Variants in IFT43 observed in about 807,000 individuals in gnomAD.
IFT43 encodes intraflagellar transport protein 43 homolog.
Under a neutral mutation model 32.3 loss-of-function variants are expected in IFT43, and 33 were observed. The observed-to-expected ratio is 1.02, with a 90% confidence interval of 0.77 to 1.37. IFT43 has a LOEUF of 1.37. Among genes scored for constraint, IFT43 ranks in the 40% most tolerant of loss-of-function variants. IFT43 has a pLI of 0.00. For synonymous variants in IFT43, 93 were observed against 98.2 expected (o/e 0.95, Z 0.31); for missense variants, 274 against 265.9 (o/e 1.03, Z -0.21).
chr14:75,991,400 T>TATATTAACAAGA (rs372002286), intron 2 of IFT43, among the ~76,000 whole-genome samples: 12 of 140,996 alleles, frequency 8.5e-5, no homozygotes, highest in African/African-American at 2.6e-4. Context: ...TGTGTGTGTG[T>TATATTAACAAGA]GTGTGTGTGT....
intron 3 of IFT43, among the ~76,000 whole-genome samples, chr14:76,034,121 T>C (rs1001825959): frequency 5.9e-5 from 9 of 152,196 alleles, no homozygotes; most frequent in Admixed American, 1.3e-4. Context: ...ACAATGGCAT[T>C]GTGCTAGATA....
intron 2 of IFT43, among the ~76,000 whole-genome samples, chr14:75,996,961 T>A (rs1048953589): frequency 1.3e-5 from 2 of 152,220 alleles, no homozygotes; most frequent in East Asian, 1.9e-4. Flanking sequence ...GAACTTTGAT[T>A]TAGGGGCTTG....
At chr14:76,022,620 A>C in intron 3 of IFT43, 2 of 381,488 alleles carry the variant, frequency 5.2e-6, no homozygotes, top group African/African-American at 2.1e-5. Context: ...TCCCCACCAA[A>C]AGAAACCCTG....
At chr14:76,068,855 G>T (rs1023864884) in intron 5 of IFT43, among the ~76,000 whole-genome samples, 10 of 152,096 alleles carry the variant, frequency 6.6e-5, no homozygotes, top group Admixed American at 6.5e-4. Context: ...GTGATGCATG[G>T]GGCTAAGCAT....
intron 5 of IFT43, among the ~76,000 whole-genome samples, chr14:76,081,657 T>C (rs555877658): frequency 8.5e-4 from 130 of 152,326 alleles, no homozygotes; most frequent in Admixed American, 2.0e-3. Flanking sequence ...TGGAAAATCT[T>C]GAGACAGCAA....
At position 76,049,461 on chromosome 14, in the gene IFT43, T is replaced by G. The variant is rs983433325; in HGVS notation, c.216-9181T>G. On this transcript the variant is annotated intron_variant, in intron 3 of 8. Transcript: ENST00000314067. ...GTAGTTTTTAAAAAGCTGTGTGTTTTTTTTTTTTTTACAATTATTTCCCTA... is the reference window on the plus strand; with the variant it reads ...GTAGTTTTTAAAAAGCTGTGTGTTTGTTTTTTTTTTACAATTATTTCCCTA... 1.7e-3 allele frequency among the ~76,000 whole-genome samples: 250 copies of G among 150,326 alleles called. 2 individuals are homozygous for G. The highest frequency in any genetic ancestry group is 5.5e-3 in the African/African-American group (222 of 40,348).
At chr14:75,999,273 G>A (rs57837727) in intron 2 of IFT43, among the ~76,000 whole-genome samples, 7,251 of 16,768 alleles carry the variant, frequency 0.43, 520 homozygotes, top group Non-Finnish European at 0.48. Flanking sequence ...ATATATATAT[G>A]TATATATATT....
chr14:76,030,143 A>G (rs1488744691), intron 3 of IFT43, among the ~76,000 whole-genome samples: 4 of 152,034 alleles, frequency 2.6e-5, no homozygotes, highest in African/African-American at 9.7e-5. Flanking sequence ...GGCCTCCCCA[A>G]GTGCTGAGAT....
intron 3 of IFT43, among the ~76,000 whole-genome samples, chr14:76,048,292 A>G (rs2036847623): frequency 6.6e-6 from 1 of 152,210 alleles, no homozygotes; most frequent in Non-Finnish European, 1.5e-5. Context: ...AAGCAATCTT[A>G]TTGAACAAAA....
intron 3 of IFT43, among the ~76,000 whole-genome samples, chr14:76,054,239 G>C (rs2036968932): frequency 6.6e-6 from 1 of 152,210 alleles, no homozygotes; most frequent in Admixed American, 6.5e-5. Flanking sequence ...CACTGTTGAA[G>C]AATGACTAAT....
At chr14:76,000,329 A>G (rs2035859872) in intron 2 of IFT43, among the ~76,000 whole-genome samples, 1 of 148,200 alleles carries the variant, frequency 6.7e-6, no homozygotes, top group African/African-American at 2.5e-5. Flanking sequence ...CAGTGGCACA[A>G]TCTCGGCTCA....
chr14:76,019,665 A>C (rs2036254277), intron 2 of IFT43, among the ~76,000 whole-genome samples: 1 of 152,070 alleles, frequency 6.6e-6, no homozygotes, highest in African/African-American at 2.4e-5. Context: ...GGTTTTCAAT[A>C]CCTTTGCCCA....
intron 3 of IFT43, among the ~76,000 whole-genome samples, chr14:76,044,989 T>C (rs2036777918): frequency 1.3e-5 from 2 of 152,370 alleles, no homozygotes; most frequent in East Asian, 3.9e-4. Context: ...TAATTGACTA[T>C]GTTACTAGTG....
rs763232302 is a variant in IFT43 at position 76,083,270 on chromosome 14, C to A, written c.488C>A (p.Pro163Gln). The change falls in exon 8 of 9, where the codon CCG (proline) becomes CAG (glutamine). Residue 163 changes from proline (P) to glutamine (Q), a missense_variant. By Grantham distance (76) the Pro-to-Gln change is moderately conservative (BLOSUM62 -1). Transcript: ENST00000314067. ...AAACTCCTCACCAAAGTGCTCGCGCCGGAGCACGAAGTCCGGGAGGTACAG... is the reference window on the plus strand; with the variant it reads ...AAACTCCTCACCAAAGTGCTCGCGCAGGAGCACGAAGTCCGGGAGGTACAG... Reference protein sequence around the residue: ...DLKLLTKVLAPEHEVREDDVG... With the variant: ...DLKLLTKVLAQEHEVREDDVG... 11 of 1,613,760 alleles carry A rather than the reference C, an allele frequency of 6.8e-6. No homozygotes were observed. The East Asian group carries it at 2.5e-4, about 36-fold the overall frequency.
chr14:76,028,394 A>G (rs1211845137), intron 3 of IFT43, among the ~76,000 whole-genome samples: 3 of 152,162 alleles, frequency 2.0e-5, no homozygotes, highest in African/African-American at 7.2e-5. Context: ...CCTATAAAGA[A>G]GAATTTACTC....
intron 5 of IFT43, among the ~76,000 whole-genome samples, chr14:76,080,807 T>C (rs897759408): frequency 2.6e-5 from 4 of 152,216 alleles, no homozygotes; most frequent in Non-Finnish European, 4.4e-5. Context: ...AAATAGAATC[T>C]TAGAGCATTC....
At chr14:76,071,175 G>A (rs1000743696) in intron 5 of IFT43, among the ~76,000 whole-genome samples, 7 of 152,168 alleles carry the variant, frequency 4.6e-5, no homozygotes, top group African/African-American at 1.7e-4. Context: ...ACTGGTCCAA[G>A]GACTAAGCTG....
intron 3 of IFT43, among the ~76,000 whole-genome samples, chr14:76,037,242 G>A (rs1446307086): frequency 1.3e-5 from 2 of 152,170 alleles, no homozygotes; most frequent in South Asian, 2.1e-4. Context: ...AGGTGATGCC[G>A]TGTACATCCC....
At chr14:76,083,185 C>T (rs1374924684) in intron 7 of IFT43, 42 bp from the exon 8 acceptor site, 3 of 1,613,382 alleles carry the variant, frequency 1.9e-6, no homozygotes, top group Admixed American at 3.3e-5. Flanking sequence ...CCTGAAAGCC[C>T]TCAAGGTGCT....
Sources: allele counts gnomAD v4.1 joint callset (sites outside exome capture counted in the v4.1 genomes callset), GRCh38; gene constraint gnomAD v4.1.1; transcripts MANE v1.5; gene names NCBI Gene and HGNC (gene_info 2026-07-23, HGNC 2026-07-21).